SPAG16: variants seen among roughly 807,000 people sequenced by gnomAD.
SPAG16 encodes sperm-associated antigen 16 protein.
A neutral mutation model predicts 80.4 loss-of-function variants in SPAG16; 86 were observed. The ratio of observed to expected loss-of-function variants is 1.07; its 90% CI spans 0.90 to 1.28. The LOEUF is 1.28. Among genes scored for constraint, SPAG16 ranks in the 50% most tolerant of loss-of-function variants. The pLI is 0.00. For synonymous variants in SPAG16, 294 were observed against 265.9 expected (o/e 1.11, Z -1.03); for missense variants, 870 against 765.3 (o/e 1.14, Z -1.61).
At chr2:214,110,972 A>G (rs1357084764) in intron 14 of SPAG16, among the ~76,000 whole-genome samples, 1 of 151,574 alleles carries the variant, frequency 6.6e-6, no homozygotes, top group East Asian at 1.9e-4. Context: ...CCACTTTTTG[A>G]TGGGATTTTT....
At chr2:213,291,811 T>G (rs530026077) in intron 1 of SPAG16, among the ~76,000 whole-genome samples, 28 of 152,342 alleles carry the variant, frequency 1.8e-4, no homozygotes, top group African/African-American at 6.7e-4. Flanking sequence ...GGCAAATCTT[T>G]TAATCTCTGA....
chr2:214,175,245 G>GTA (rs10627580), intron 15 of SPAG16, among the ~76,000 whole-genome samples: 30,596 of 142,728 alleles, frequency 0.21, 4,196 homozygotes, highest in East Asian at 0.45. Flanking sequence ...ATAAAGAAAT[G>GTA]TATATATATA....
intron 10 of SPAG16, among the ~76,000 whole-genome samples, chr2:213,550,304 A>C (rs931828086): frequency 6.6e-6 from 1 of 151,974 alleles, no homozygotes; most frequent in Non-Finnish European, 1.5e-5. Flanking sequence ...TTTATATTCA[A>C]AGTCCTAGTC....
intron 10 of SPAG16, among the ~76,000 whole-genome samples, chr2:213,520,422 T>C (rs1039792541): frequency 6.8e-6 from 1 of 146,866 alleles, no homozygotes; most frequent in Non-Finnish European, 1.5e-5. Flanking sequence ...CCGTCTCTAC[T>C]AAAAATACAA....
At position 213,979,698 on chromosome 2, in the gene SPAG16, A is replaced by G. The variant is rs1245266668; in HGVS notation, c.1401-34253A>G. Among the ~76,000 whole-genome samples the G allele has an allele frequency of 5.3e-5, 8 of 152,092 alleles. No homozygotes were observed. The East Asian group carries it at 7.7e-4, about 15-fold the overall frequency. On this transcript the variant is annotated intron_variant, in intron 12 of 15. Transcript: ENST00000331683. ...ACACGTGGGGATAATGGAGATTACA[A>G]TTCAAGCTGAGATTTGGGTGGAGTC...
At chr2:214,335,335 C>T (rs1697206228) in intron 15 of SPAG16, among the ~76,000 whole-genome samples, 1 of 152,088 alleles carries the variant, frequency 6.6e-6, no homozygotes, top group South Asian at 2.1e-4. Context: ...CTGTGACGCC[C>T]CGCAGCATCC....
chr2:213,667,777 T>C (rs762556425), intron 10 of SPAG16, among the ~76,000 whole-genome samples: 2 of 152,172 alleles, frequency 1.3e-5, no homozygotes, highest in African/African-American at 4.8e-5. Context: ...CTCACATACA[T>C]AGACATGAGA....
intron 15 of SPAG16, among the ~76,000 whole-genome samples, chr2:214,332,568 G>A (rs1696997689): frequency 6.6e-6 from 1 of 152,160 alleles, no homozygotes; most frequent in Non-Finnish European, 1.5e-5. Flanking sequence ...ATGTTCCTCT[G>A]TTCTATCAGA....
At chr2:213,950,287 G>A (rs139434050) in intron 12 of SPAG16, among the ~76,000 whole-genome samples, 1 of 151,898 alleles carries the variant, frequency 6.6e-6, no homozygotes, top group Non-Finnish European at 1.5e-5. Context: ...ATTCTTCTAA[G>A]AATTAAGAAA....
chr2:213,909,907 A>C (rs1426984518), intron 11 of SPAG16, among the ~76,000 whole-genome samples: 1 of 152,192 alleles, frequency 6.6e-6, no homozygotes, highest in Admixed American at 6.5e-5. Flanking sequence ...ATTTCAACTC[A>C]TAAAGATTGG....
chr2:213,538,878 GAC>G (rs1209903789), intron 10 of SPAG16, among the ~76,000 whole-genome samples: 2 of 151,990 alleles, frequency 1.3e-5, no homozygotes, highest in African/African-American at 2.4e-5. Flanking sequence ...CATACATACA[GAC>G]ACACACATAA....
intron 12 of SPAG16, among the ~76,000 whole-genome samples, chr2:213,994,567 A>G (rs2046427349): frequency 1.4e-5 from 2 of 138,966 alleles, no homozygotes; most frequent in Admixed American, 1.5e-4. Context: ...GGAGAAAATG[A>G]TTTTCCATCC....
chr2:213,825,527 G>A (rs918595431), intron 10 of SPAG16, among the ~76,000 whole-genome samples: 13 of 151,614 alleles, frequency 8.6e-5, no homozygotes, highest in African/African-American at 4.8e-5. Flanking sequence ...GCATTGCATC[G>A]ATTGATTTGC....
intron 12 of SPAG16, among the ~76,000 whole-genome samples, chr2:213,993,616 C>G (rs965000603): frequency 1.3e-5 from 2 of 152,106 alleles, no homozygotes; most frequent in African/African-American, 4.8e-5. Flanking sequence ...ATCCATATAG[C>G]TTTTTAAGAA....
intron 10 of SPAG16, among the ~76,000 whole-genome samples, chr2:213,833,548 A>ATTATACATATATT (rs374240295): frequency 1.2e-3 from 1 of 808 alleles, no homozygotes; most frequent in African/African-American, 5.3e-3. Context: ...TAATATATAT[A>ATTATACATATATT]ATATATATAA....
chr2:214,308,785 T>A (rs1576742157), intron 15 of SPAG16, among the ~76,000 whole-genome samples: 1 of 152,196 alleles, frequency 6.6e-6, no homozygotes, highest in Non-Finnish European at 1.5e-5. Flanking sequence ...TCTTTGTAGG[T>A]GATGTGGACT....
At chr2:213,412,667 TA>T (rs1390290402) in intron 9 of SPAG16, among the ~76,000 whole-genome samples, 4 of 152,140 alleles carry the variant, frequency 2.6e-5, no homozygotes, top group Non-Finnish European at 5.9e-5. Flanking sequence ...ACTAGTTTCC[TA>T]CCCTCCAGAA....
chr2:213,325,620 A>ATATG (rs2063808571), intron 5 of SPAG16, among the ~76,000 whole-genome samples: 2 of 148,986 alleles, frequency 1.3e-5, no homozygotes, highest in African/African-American at 2.5e-5. Context: ...TTGGAAAAAT[A>ATATG]TGTGTGTGTG....
chr2:214,142,138 T>C (rs1337925877), intron 14 of SPAG16, among the ~76,000 whole-genome samples: 1 of 152,104 alleles, frequency 6.6e-6, no homozygotes, highest in African/African-American at 2.4e-5. Flanking sequence ...TCCAATCCAC[T>C]CACTTTCTTT....
Sources: allele counts gnomAD v4.1 joint callset (sites outside exome capture counted in the v4.1 genomes callset), GRCh38; gene constraint gnomAD v4.1.1; transcripts MANE v1.5; gene names NCBI Gene and HGNC (gene_info 2026-07-23, HGNC 2026-07-21).